The following IGSF5 variants were observed in gnomAD, a reference collection of about 807,000 sequenced individuals.
IGSF5 encodes the protein immunoglobulin superfamily member 5, also known as immunoglobulin superfamily 5 like.
IGSF5 carries 41 observed loss-of-function variants against 39.4 expected under a neutral mutation model. The observed-to-expected ratio is 1.04, with a 90% CI of 0.81 to 1.35. The LOEUF (loss-of-function observed/expected upper bound fraction) is 1.35. Ranked by LOEUF, IGSF5 falls within the 40% of genes most tolerant of loss-of-function variation. IGSF5 has a pLI of 0.00. For missense variants in IGSF5, 487 were observed against 494.6 expected (o/e 0.98, Z 0.15); for synonymous variants, 183 against 175.3 (o/e 1.04, Z -0.34).
chr21:39,789,942 T>C (rs1204533640), intron 6 of IGSF5, among the ~76,000 whole-genome samples: 2 of 152,222 alleles, frequency 1.3e-5, no homozygotes, highest in African/African-American at 4.8e-5. Flanking sequence ...TAGTTTTAGA[T>C]AGATACTTTT....
At chr21:39,743,799 T>C (rs903697770), upstream of IGSF5, among the ~76,000 whole-genome samples, 2 of 152,210 alleles carry the variant, frequency 1.3e-5, no homozygotes, top group Non-Finnish European at 1.5e-5. Flanking sequence ...TAAGATGGTG[T>C]TATAATTTAT....
chr21:39,718,083 G>A, the IGSF5 span, among the ~76,000 whole-genome samples: 2 of 144,060 alleles, frequency 1.4e-5, no homozygotes, highest in Non-Finnish European at 3.0e-5. Context: ...TGTATTCCTG[G>A]GTATTTTTTT....
chr21:39,755,280 C>T (rs561590501), intron 2 of IGSF5, among the ~76,000 whole-genome samples: 5 of 152,216 alleles, frequency 3.3e-5, no homozygotes, highest in East Asian at 1.9e-4. Flanking sequence ...TTGTGTTAAT[C>T]GAACCTTAAA....
chr21:39,775,524 T>C (rs946725668), intron 4 of IGSF5, among the ~76,000 whole-genome samples: 5 of 152,240 alleles, frequency 3.3e-5, no homozygotes, highest in African/African-American at 1.2e-4. Flanking sequence ...TTTAAAACTC[T>C]ATGCATTCCT....
intron 8 of IGSF5, 31 bp downstream of exon 8, chr21:39,793,644 C>A: frequency 6.4e-7 from 1 of 1,560,188 alleles, no homozygotes; most frequent in Non-Finnish European, 8.8e-7. Context: ...CCTTTTTGGA[C>A]TTTTTTGGCT....
In IGSF5 at chr21:39,771,028, G is replaced by T; in HGVS notation, c.531G>T (p.Glu177Asp). 10 of 1,613,668 alleles carry T rather than the reference G, an allele frequency of 6.2e-6. No homozygotes were observed. The highest frequency in any genetic ancestry group is 8.5e-6 in the Non-Finnish European group (10 of 1,179,838). ...CCCGGCTCCCGGATATTTCCTGGGA[G>T]CTCGGTCTCCTGGTCAGCCATTCAA... ...HWTRLPDISWELGLLVSHSSY... is the reference protein window; with the variant it reads ...HWTRLPDISWDLGLLVSHSSY... The change falls in exon 4 of 9, where the codon GAG (glutamate) becomes GAT (aspartate). Residue 177 changes from glutamate to aspartate, a missense_variant. By Grantham distance (45) the Glu-to-Asp change is conservative. Coordinates refer to ENST00000380588, the MANE Select transcript of IGSF5 (RefSeq NM_001080444.2).
chr21:39,733,804 T>C, the IGSF5 span, among the ~76,000 whole-genome samples: 14 of 152,236 alleles, frequency 9.2e-5, no homozygotes, highest in Non-Finnish European at 1.3e-4. Flanking sequence ...TGGCCTTCCC[T>C]GGCCATCGTT....
the IGSF5 span, among the ~76,000 whole-genome samples, chr21:39,734,721 G>C: frequency 6.6e-6 from 1 of 152,068 alleles, no homozygotes; most frequent in African/African-American, 2.4e-5. Flanking sequence ...ACTGAATTTC[G>C]TCTGTGGGAA....
chr21:39,763,022 CTG>C (rs753039034), intron 2 of IGSF5, among the ~76,000 whole-genome samples: 6 of 152,224 alleles, frequency 3.9e-5, no homozygotes, highest in Non-Finnish European at 5.9e-5. Flanking sequence ...AGGCAGGTGA[CTG>C]TGGGATTCAG....
rs370841311 is a variant in IGSF5 at position 39,765,751 on chromosome 21, C to A, written c.317C>A (p.Ser106Ter). 6.2e-7 allele frequency: 1 copy of A among 1,614,084 alleles called. No individual in the cohort carries two copies. Among genetic ancestry groups the A allele is most frequent in the East Asian group, 2.2e-5 (1 of 44,840 alleles). ...TACGACCAGGGCGGGAACTTCACCT[C>A]GGAGATGATCATCCACAATGTGGAG... ...QRYDQGGNFT[S>*]EMIIHNVEPS... Residue 106 changes from serine to a stop codon, truncating the protein, a stop_gained, in exon 3 of 9, where the codon TCG becomes TAG. Transcript: ENST00000380588. LOFTEE classifies it high-confidence loss of function.
rs144199960 is a variant in IGSF5, at chr21:39,770,950, T to A, written c.453T>A (p.Leu151=). The A allele has an allele frequency of 2.3e-4, 373 of 1,597,568 alleles. 1 individual carries two copies. Among genetic ancestry groups the A allele is most frequent in the Admixed American group, 3.6e-4 (21 of 58,614 alleles). Residue 151 remains leucine (L), a synonymous_variant, in exon 4 of 9, where the codon CTT becomes CTA. Transcript: ENST00000380588. ...MGELFIPSVN[L]VVAENEPCEV... ...AGCTGTTCATTCCCAGTGTTAATCT[T>A]GTAGTCGCTGAGAATGAACCTTGTG...
chr21:39,770,940 G>T lies in IGSF5; in HGVS notation c.443G>T (p.Ser148Ile). The T allele has an allele frequency of 3.1e-6, 5 of 1,588,768 alleles. No individual in the cohort carries two copies. The highest frequency in any genetic ancestry group is 4.3e-6 in the Non-Finnish European group (5 of 1,166,010). Reference sequence around the variant, plus strand: ...GTTATGGGAGAGCTGTTCATTCCCAGTGTTAATCTTGTAGTCGCTGAGAAT... The same window carrying T: ...GTTATGGGAGAGCTGTTCATTCCCATTGTTAATCTTGTAGTCGCTGAGAAT... Reference protein sequence around the residue: ...VQVMGELFIPSVNLVVAENEP... With the variant: ...VQVMGELFIPIVNLVVAENEP... Residue 148 changes from serine (S) to isoleucine (I), a missense_variant, in exon 4 of 9, where the codon AGT (serine) becomes ATT (isoleucine). Coordinates refer to ENST00000380588, the MANE Select transcript of IGSF5 (RefSeq NM_001080444.2).
the IGSF5 span, among the ~76,000 whole-genome samples, chr21:39,721,023 G>A: frequency 0.042 from 6,416 of 152,232 alleles, 274 homozygotes; most frequent in East Asian, 0.22. Flanking sequence ...AACTTAACCT[G>A]TAGAACGAGA....
chr21:39,800,963 G>A (rs1434548511), intron 8 of IGSF5, among the ~76,000 whole-genome samples: 2 of 152,198 alleles, frequency 1.3e-5, no homozygotes, highest in African/African-American at 4.8e-5. Context: ...AGCCAGTAAA[G>A]CAAGAACTTC....
rs759831123 is a variant in IGSF5, at chr21:39,788,196, T to TG, written c.956+9dup. The TG allele has an allele frequency of 2.5e-6, 4 of 1,580,658 alleles. No individual in the cohort carries two copies. The highest frequency in any genetic ancestry group is 2.6e-6 in the Non-Finnish European group (3 of 1,153,230). The stretch of plus-strand genomic sequence containing the variant: ...TCGTATTCAATTTCAAAAGTAAGTT[T>TG]GAAACCACATCTATTTTCTGAAAAC... On this transcript the variant is annotated intron_variant, in intron 6 of 8. Coordinates refer to ENST00000380588, the MANE Select transcript of IGSF5 (RefSeq NM_001080444.2).
At chr21:39,750,922 C>G (rs2080002653) in intron 2 of IGSF5, among the ~76,000 whole-genome samples, 1 of 152,180 alleles carries the variant, frequency 6.6e-6, no homozygotes, top group Non-Finnish European at 1.5e-5. Flanking sequence ...GGGAGCTGAG[C>G]AGTGCCTTGA....
chr21:39,791,618 C>T (rs190669368), intron 6 of IGSF5: 215 of 165,622 alleles, frequency 1.3e-3, no homozygotes, highest in Non-Finnish European at 2.4e-3. Context: ...TTTAGGTAGC[C>T]ATAGACAATA....
chr21:39,787,122 T>C (rs2086926803), intron 5 of IGSF5, among the ~76,000 whole-genome samples: 2 of 152,048 alleles, frequency 1.3e-5, no homozygotes. Context: ...AAAAATGCAA[T>C]GGCAACAAAA....
At chr21:39,796,341 C>T (rs1054674721) in intron 8 of IGSF5, among the ~76,000 whole-genome samples, 1 of 152,184 alleles carries the variant, frequency 6.6e-6, no homozygotes, top group Admixed American at 6.5e-5. Flanking sequence ...AGCCCTGCAG[C>T]CCTGCCAGGC....
Sources: allele counts gnomAD v4.1 joint callset (sites outside exome capture counted in the v4.1 genomes callset), GRCh38; gene constraint gnomAD v4.1.1; transcripts MANE v1.5; gene names NCBI Gene and HGNC (gene_info 2026-07-23, HGNC 2026-07-21).